RRP12: variants seen among roughly 807,000 people sequenced by gnomAD.
RRP12 encodes ribosomal RNA processing 12 homolog.
RRP12 carries 78 observed loss-of-function variants against 157.3 expected under a neutral mutation model. The observed-to-expected ratio is 0.50, with a 90% confidence interval of 0.41 to 0.60. The LOEUF is 0.60. Among genes scored for constraint, RRP12 ranks in the 20% least tolerant of loss-of-function variants. The pLI, the probability that RRP12 is intolerant of heterozygous loss-of-function variation, is 0.00. For synonymous variants in RRP12, 726 were observed against 670.9 expected (o/e 1.08, Z -1.27); for missense variants, 1,521 against 1,679.9 (o/e 0.91, Z 1.65).
intron 29 of RRP12, chr10:97,365,871 G>T: frequency 1.8e-6 from 1 of 553,036 alleles, no homozygotes. Flanking sequence ...ACAGTAAGGG[G>T]AAGTACCATT....
chr10:97,373,802 C>T (rs1388298677), intron 16 of RRP12, 28 bp downstream of exon 16: 1 of 1,613,540 alleles, frequency 6.2e-7, no homozygotes. Context: ...TGTGCTTCTC[C>T]CCACGCCCTC....
intron 10 of RRP12, among the ~76,000 whole-genome samples, chr10:97,383,753 G>A (rs1844533767): frequency 6.6e-6 from 1 of 152,228 alleles, no homozygotes; most frequent in African/African-American, 2.4e-5. Flanking sequence ...GCCAGTCCAG[G>A]CGAGAGTGGA....
chr10:97,388,509 T>C lies in RRP12; in HGVS notation c.869A>G (p.Gln290Arg). ...AAISTAKFCI[Q>R]EIEKSGGSKE... ...CCCACCTCCAGACTTCTCAATCTCC[T>C]GGATGCAGAACTTGGCAGTGGAAAT... Residue 290 changes from glutamine (Q) to arginine (R), a missense_variant, in exon 7 of 34, where the codon CAG becomes CGG. By Grantham distance (43) the Gln-to-Arg change is conservative. Transcript: ENST00000370992. 6.2e-7 allele frequency: 1 copy of C among 1,614,178 alleles called. No homozygotes were observed. The highest frequency in any genetic ancestry group is 8.5e-7 in the Non-Finnish European group (1 of 1,180,032).
intron 1 of RRP12, 69 bp from the exon 2 acceptor site, chr10:97,400,603 A>C: frequency 7.6e-7 from 1 of 1,313,692 alleles, no homozygotes; most frequent in African/African-American, 1.5e-5. Flanking sequence ...AACCCCTGGG[A>C]AACAAACCAG....
chr10:97,389,631 T>G (rs1844745327), intron 6 of RRP12, among the ~76,000 whole-genome samples: 3 of 152,178 alleles, frequency 2.0e-5, no homozygotes, highest in African/African-American at 7.2e-5. Flanking sequence ...GCACCTGCCG[T>G]GAGCCAGGAG....
chr10:97,377,844 CAAA>C (rs57212325), intron 15 of RRP12, among the ~76,000 whole-genome samples: 2 of 48,790 alleles, frequency 4.1e-5, no homozygotes, highest in Non-Finnish European at 4.4e-5. Context: ...GACTTCATCT[CAAA>C]AAAAAAAAAA....
rs199585042 is a variant in RRP12, at chr10:97,370,705, C to A, written c.2583+11G>T. ...CAGGGACCCCCCTCTAAAACACACC[C>A]GCACACTCACCTCTGGGATGAGGGC... On this transcript the variant is annotated intron_variant, in intron 22 of 33. Coordinates refer to ENST00000370992, the MANE Select transcript of RRP12 (RefSeq NM_015179.4). 6.2e-7 allele frequency: 1 copy of A among 1,613,670 alleles called. No homozygotes were observed. Among genetic ancestry groups the A allele is most frequent in the Non-Finnish European group, 8.5e-7 (1 of 1,179,734 alleles).
At chr10:97,363,824 C>T in intron 30 of RRP12, 30 bp downstream of exon 30, 1 of 1,604,192 alleles carries the variant, frequency 6.2e-7, no homozygotes, top group Non-Finnish European at 8.5e-7. Context: ...GGTCTGAAGC[C>T]CTAGCCCCCC....
intron 2 of RRP12, among the ~76,000 whole-genome samples, chr10:97,396,658 G>C (rs1483460468): frequency 6.6e-6 from 1 of 152,166 alleles, no homozygotes; most frequent in Non-Finnish European, 1.5e-5. Flanking sequence ...CAGTTATCGA[G>C]GGGGGGATTG....
At chr10:97,367,905 T>C (rs187796398) in intron 25 of RRP12, among the ~76,000 whole-genome samples, 61 of 152,290 alleles carry the variant, frequency 4.0e-4, no homozygotes, top group Admixed American at 1.8e-3. Flanking sequence ...CTAATTTTTG[T>C]ATTTTTAGTA....
At chr10:97,381,027 G>T in intron 12 of RRP12, 114 bp from the exon 13 acceptor site, 2 of 782,988 alleles carry the variant, frequency 2.6e-6, no homozygotes, top group Non-Finnish European at 2.1e-6. Flanking sequence ...AGCAAGAATG[G>T]GGCCCCAGGA....
chr10:97,389,147 T>C (rs995364192), intron 6 of RRP12, among the ~76,000 whole-genome samples: 1 of 152,048 alleles, frequency 6.6e-6, no homozygotes, highest in Admixed American at 6.6e-5. Flanking sequence ...CCAGGCGGAG[T>C]GCAGTGGCGG....
At position 97,357,040 on chromosome 10, in the gene RRP12, G is replaced by A. The variant is rs1589405027; in HGVS notation, c.*54C>T. On this transcript the variant is annotated 3_prime_UTR_variant, in exon 34 of 34. Coordinates refer to ENST00000370992, the MANE Select transcript of RRP12 (RefSeq NM_015179.4). ...CCTGGAGCTGGTGGCAAGGCAGCCT[G>A]GGGGCTGAAAGGGCCTCAGACTGGA... is the stretch of plus-strand genomic sequence containing the variant. 1 of 1,041,440 alleles carries A rather than the reference G, an allele frequency of 9.6e-7. No individual in the cohort carries two copies. The highest frequency in any genetic ancestry group is 2.4e-5 in the East Asian group (1 of 41,370). 64.5% of individuals were successfully genotyped at this position (1,041,440 alleles called of 1,614,324 possible).
At chr10:97,378,871 A>G (rs1844382684) in intron 15 of RRP12, among the ~76,000 whole-genome samples, 1 of 127,522 alleles carries the variant, frequency 7.8e-6, no homozygotes, top group South Asian at 2.5e-4. Context: ...AAATAATAAT[A>G]ATAAAATAAA....
intron 8 of RRP12, 114 bp from the exon 9 acceptor site, chr10:97,386,107 C>A: frequency 1.5e-6 from 1 of 650,034 alleles, no homozygotes; most frequent in South Asian, 1.8e-5. Flanking sequence ...CTCACACATG[C>A]CCCCCACACA....
chr10:97,379,806 G>A (rs544093218), intron 13 of RRP12, 36 bp from the exon 14 acceptor site: 2 of 1,562,302 alleles, frequency 1.3e-6, no homozygotes, highest in East Asian at 2.3e-5. Flanking sequence ...ATCAAGACAT[G>A]CTCGAAAGCA....
In RRP12 at chr10:97,400,452, G is replaced by A; in HGVS notation, c.222C>T (p.Ala74=). Residue 74 remains alanine (A), a synonymous_variant, in exon 2 of 34, where the codon GCC becomes GCT. Transcript: ENST00000370992. The part of the protein sequence containing the change: ...SGSLRLGKSE[A]PETPMEEEAE... ...CCTCTTCTTCCATGGGCGTCTCCGG[G>A]GCTTCGCTTTTGCCCAAGCGCAAGG... 6.2e-7 allele frequency: 1 copy of A among 1,614,090 alleles called. No individual in the cohort carries two copies. Among genetic ancestry groups the A allele is most frequent in the Non-Finnish European group, 8.5e-7 (1 of 1,180,020 alleles).
chr10:97,363,781 G>A, intron 30 of RRP12, 73 bp downstream of exon 30: 1 of 1,309,094 alleles, frequency 7.6e-7, no homozygotes, highest in Non-Finnish European at 1.1e-6. Context: ...GTCTACGTGT[G>A]GTGGGGGTGA....
intron 30 of RRP12, among the ~76,000 whole-genome samples, chr10:97,362,063 C>T (rs1589409704): frequency 1.3e-5 from 2 of 149,254 alleles, no homozygotes; most frequent in Non-Finnish European, 3.0e-5. Flanking sequence ...GCCGAGATTG[C>T]GCCACTACAC....
Sources: gnomAD v4.1 joint callset for allele counts (sites outside exome capture counted in the v4.1 genomes callset) on GRCh38, gnomAD v4.1.1 for gene constraint, MANE v1.5 for transcripts, NCBI Gene and HGNC (gene_info 2026-07-23, HGNC 2026-07-21) for gene names.